Variants in AMOTL2 observed in about 807,000 individuals in gnomAD.
AMOTL2 encodes angiomotin-like protein 2.
AMOTL2 carries 33 observed loss-of-function variants against 78.4 expected under a neutral mutation model. The observed-to-expected ratio is 0.42, with a 90% CI of 0.32 to 0.56. The LOEUF (loss-of-function observed/expected upper bound fraction) is 0.56, where lower values mean the gene tolerates loss of function less well. AMOTL2 is among the 20% of genes least tolerant of loss of function. The probability of loss-of-function intolerance (pLI) is 0.12; values close to 1 mark genes in which losing one functional copy is unlikely to be tolerated. For synonymous variants in AMOTL2, 422 were observed against 428.8 expected (o/e 0.98, Z 0.20); for missense variants, 983 against 1,030.1 (o/e 0.95, Z 0.63).
At chr3:134,374,565 T>G, upstream of AMOTL2, 8 of 985,398 alleles carry the variant, frequency 8.1e-6, no homozygotes, top group Non-Finnish European at 7.2e-6. Context: ...ACAAATAACC[T>G]CTCAGCGCAC....
intron 7 of AMOTL2, 98 bp from the exon 8 acceptor site, chr3:134,359,601 A>G (rs2017255643): frequency 2.1e-6 from 2 of 947,256 alleles, no homozygotes; most frequent in African/African-American, 1.6e-5. Context: ...GCCCCCCCCA[A>G]CTCCCCCAAC....
intron 1 of AMOTL2, chr3:134,373,506 G>A (rs1332372695): frequency 8.1e-6 from 8 of 985,388 alleles, no homozygotes; most frequent in Non-Finnish European, 8.4e-6. Flanking sequence ...CCGCGCCCCC[G>A]GCCGCGAACC....
chr3:134,375,048 CT>C, upstream of AMOTL2: 1 of 1,459,178 alleles, frequency 6.9e-7, no homozygotes, highest in East Asian at 2.5e-5. Flanking sequence ...CCTCTTTCCC[CT>C]AACCCCCGCT....
In AMOTL2 at chr3:134,365,816, C is replaced by G; in HGVS notation, c.1279+1G>C. The stretch of plus-strand genomic sequence containing the variant: ...GGCTTCTTAGTGGGGCCCCTACTCA[C>G]TCTGAGCAAGCAGCTTGGCCACCAT... On this transcript the variant is annotated splice_donor_variant, in intron 5 of 9. Transcript: ENST00000249883. LOFTEE classifies it high-confidence loss of function. The G allele has an allele frequency of 6.2e-7, 1 of 1,613,902 alleles. No individual in the cohort carries two copies. Among genetic ancestry groups the G allele is most frequent in the African/African-American group, 1.3e-5 (1 of 75,076 alleles).
At chr3:134,374,267 C>G (rs1247306785) in intron 1 of AMOTL2, 75 bp downstream of exon 1, 5 of 985,448 alleles carry the variant, frequency 5.1e-6, no homozygotes, top group Non-Finnish European at 6.0e-6. Flanking sequence ...CGGGTTGCGC[C>G]GAGACTCCAG....
Position 134,371,132 on chromosome 3 carries a change from C to T in AMOTL2, c.302G>A (p.Gly101Glu). ...CTCCTCATAGGTGGGCAGCTCCTCT[C>T]CCTTGCTGGGCTGTGGGCATAGCCG... ...LYRLCPQPSKGEELPTYEEAK... is the reference protein window; with the variant it reads ...LYRLCPQPSKEEELPTYEEAK... The change falls in exon 2 of 10, where the codon GGA (glycine) becomes GAA (glutamate). Residue 101 changes from glycine to glutamate, a missense_variant. Gly to Glu is a moderately conservative substitution (Grantham distance 98). Coordinates refer to ENST00000249883, the MANE Select transcript of AMOTL2 (RefSeq NM_016201.4). The T allele has an allele frequency of 6.2e-7, 1 of 1,613,780 alleles. No individual in the cohort carries two copies. Among genetic ancestry groups the T allele is most frequent in the East Asian group, 2.2e-5 (1 of 44,854 alleles).
chr3:134,360,085 G>C lies in AMOTL2; in HGVS notation c.1883+21C>G, dbSNP rs974746598. ...GCCACCCACCCCCCCAACCTCAGGT[G>C]CCTGGCCTGCAATGCCGAACCTGCT... is the stretch of plus-strand genomic sequence containing the variant. On this transcript the variant is annotated intron_variant, in intron 7 of 9. Coordinates refer to ENST00000249883, the MANE Select transcript of AMOTL2 (RefSeq NM_016201.4). 3.1e-6 allele frequency: 5 copies of C among 1,594,708 alleles called. No homozygotes were observed. In the East Asian group the frequency reaches 1.1e-4, roughly 36 times the overall value.
intron 5 of AMOTL2, 23 bp downstream of exon 5, chr3:134,365,794 T>C (rs1393819654): frequency 6.2e-7 from 1 of 1,608,558 alleles, no homozygotes; most frequent in South Asian, 1.1e-5. Context: ...CAGGCCAGGC[T>C]TCTTAGTGGG....
intron 7 of AMOTL2, 111 bp downstream of exon 7, chr3:134,359,995 G>T: frequency 1.7e-6 from 2 of 1,208,014 alleles, no homozygotes; most frequent in Non-Finnish European, 1.1e-6. Flanking sequence ...AGGAGGGACT[G>T]CTGAGCTCTA....
rs2017187915 is a variant in AMOTL2, at chr3:134,358,618, C to G, written c.2206G>C (p.Asp736His). 1.2e-6 allele frequency: 2 copies of G among 1,613,810 alleles called. No individual in the cohort carries two copies. The highest frequency in any genetic ancestry group is 1.7e-6 in the Non-Finnish European group (2 of 1,179,944). Residue 736 changes from aspartate (D) to histidine (H), a missense_variant, in exon 9 of 10, where the codon GAC (aspartate) becomes CAC (histidine). Coordinates refer to ENST00000249883, the MANE Select transcript of AMOTL2 (RefSeq NM_016201.4). ...GGTGGCAGGCAGGTGGAGGTGCTGT[C>G]TGGGGGGCCCTCAGTCTGGGTGCTC... is the stretch of plus-strand genomic sequence containing the variant. The part of the protein sequence containing the change: ...DGSTQTEGPP[D>H]STSTCLPPEP...
At chr3:134,368,266 C>T (rs1281542480) in intron 2 of AMOTL2, among the ~76,000 whole-genome samples, 1 of 152,210 alleles carries the variant, frequency 6.6e-6, no homozygotes, top group East Asian at 1.9e-4. Context: ...CCCAGGACAA[C>T]TTTGGTGGCT....
rs1203877717 is a variant in AMOTL2, at chr3:134,367,509, G to A, written c.1029C>T (p.Gly343=). Residue 343 remains glycine (G), a synonymous_variant, in exon 3 of 10, where the codon GGC becomes GGT. Transcript: ENST00000249883. The part of the protein sequence containing the change: ...RELESSAEKA[G]RIEKLESEIQ... ...CAGCAGGGCCTACCTTCTCAATGCGGCCAGCCTTCTCCGCAGAGCTCTCCA... is the reference window on the plus strand; with the variant it reads ...CAGCAGGGCCTACCTTCTCAATGCGACCAGCCTTCTCCGCAGAGCTCTCCA... The A allele has an allele frequency of 6.2e-6, 10 of 1,611,838 alleles. No homozygotes were observed. The highest frequency in any genetic ancestry group is 8.5e-6 in the Non-Finnish European group (10 of 1,179,878).
intron 1 of AMOTL2, chr3:134,373,913 A>G: frequency 1.1e-6 from 1 of 871,534 alleles, no homozygotes; most frequent in Non-Finnish European, 1.4e-6. Context: ...ACAAAGAGGA[A>G]TTCTTGGACT....
rs1027230154 is a variant in AMOTL2 at position 134,356,883 on chromosome 3, C to A, written c.*822G>T. 2 of 152,378 alleles carry A rather than the reference C, an allele frequency of 1.3e-5. No homozygotes were observed. The highest frequency in any genetic ancestry group is 4.8e-5 in the African/African-American group (2 of 41,350). 9.4% of individuals were successfully genotyped at this position (152,378 alleles called of 1,614,324 possible). Reference sequence around the variant, plus strand: ...GGCTCAAGATAGAGGAAAAGGCAGCCGAGATCCTGGGAATCGAGCAGCTTT... The same window carrying A: ...GGCTCAAGATAGAGGAAAAGGCAGCAGAGATCCTGGGAATCGAGCAGCTTT... On this transcript the variant is annotated 3_prime_UTR_variant, in exon 10 of 10. Transcript: ENST00000249883.
chr3:134,365,786 G>C (rs1448218260), intron 5 of AMOTL2, 31 bp downstream of exon 5: 2 of 1,596,078 alleles, frequency 1.3e-6, no homozygotes. Flanking sequence ...CCTGCACACA[G>C]GCCAGGCTTC....
Position 134,359,515 on chromosome 3 carries a change from G to C in AMOTL2, c.1884-12C>G, listed in dbSNP as rs1358738356. ...GGAGCACCTTTAACCTGAGGGGTGAGAGGCCATGCCCACATTGTCAGACCC... is the reference window on the plus strand; with the variant it reads ...GGAGCACCTTTAACCTGAGGGGTGACAGGCCATGCCCACATTGTCAGACCC... On this transcript the variant is annotated splice_polypyrimidine_tract_variant and intron_variant, in intron 7 of 9. Coordinates refer to ENST00000249883, the MANE Select transcript of AMOTL2 (RefSeq NM_016201.4). The C allele has an allele frequency of 2.5e-6, 4 of 1,604,462 alleles. No homozygotes were observed. The highest frequency in any genetic ancestry group is 2.2e-5 in the South Asian group (2 of 90,208).
rs781329983 is a variant in AMOTL2, at chr3:134,358,637, G to T, written c.2187C>A (p.Thr729=). The T allele has an allele frequency of 1.9e-6, 3 of 1,613,668 alleles. No homozygotes were observed. In the South Asian group the frequency reaches 3.3e-5, roughly 18 times the overall value. ...TGCTGTCTGGGGGGCCCTCAGTCTG[G>T]GTGCTCCCATCTCTGCTCCCGTGTT... ...HAKHGSRDGS[T]QTEGPPDSTS... Residue 729 remains threonine, a synonymous_variant, in exon 9 of 10, where the codon ACC becomes ACA. Transcript: ENST00000249883.
At chr3:134,361,441 A>G (rs2017357140) in intron 6 of AMOTL2, 71 bp downstream of exon 6, 4 of 1,472,318 alleles carry the variant, frequency 2.7e-6, no homozygotes, top group Non-Finnish European at 2.7e-6. Flanking sequence ...CTCCAAACCT[A>G]CAGTCCCCGA....
intron 5 of AMOTL2, among the ~76,000 whole-genome samples, chr3:134,364,800 A>C (rs3773820): frequency 0.27 from 41,437 of 151,754 alleles, 6,338 homozygotes; most frequent in Middle Eastern, 0.37. Flanking sequence ...TCCTGTGAAG[A>C]CTCAAAGCCA....
Sources: gnomAD v4.1 joint callset for allele counts (sites outside exome capture counted in the v4.1 genomes callset) on GRCh38, gnomAD v4.1.1 for gene constraint, MANE v1.5 for transcripts, NCBI Gene and HGNC (gene_info 2026-07-23, HGNC 2026-07-21) for gene names.